The following SETBP1 variants were observed in gnomAD, a reference collection of about 807,000 sequenced individuals.
SETBP1 encodes SET-binding protein.
In SETBP1, 9 loss-of-function variants were observed where a neutral mutation model predicts 101.0. The observed-to-expected ratio is 0.09, with a 90% confidence interval of 0.05 to 0.16. The LOEUF is 0.16. Ranked by LOEUF, SETBP1 falls within the 10% of genes least tolerant of loss-of-function variation. The probability of loss-of-function intolerance (pLI) is 1.00; values close to 1 mark genes in which losing one functional copy is unlikely to be tolerated. For missense variants in SETBP1, 1,858 were observed against 2,033.8 expected (o/e 0.91, Z 1.66); for synonymous variants, 818 against 788.5 (o/e 1.04, Z -0.63).
chr18:45,021,572 G>A lies in SETBP1; in HGVS notation c.4001-16913G>A, dbSNP rs140142367. The stretch of plus-strand genomic sequence containing the variant: ...CATAATTGGAGAATGAGCATTATAG[G>A]AAATTTGGTGCTGGGAATGAAGTCC... On this transcript the variant is annotated intron_variant, in intron 4 of 5. Coordinates refer to ENST00000649279, the MANE Select transcript of SETBP1 (RefSeq NM_015559.3). Among the ~76,000 whole-genome samples, 95 of 152,236 alleles carry A rather than the reference G, an allele frequency of 6.2e-4. 1 individual carries two copies. The East Asian group carries it at 0.017, about 27-fold the overall frequency.
chr18:44,850,469 C>T (rs776702734), intron 2 of SETBP1, among the ~76,000 whole-genome samples: 2 of 151,994 alleles, frequency 1.3e-5, no homozygotes, highest in African/African-American at 2.4e-5. Flanking sequence ...CTCCCTGGTT[C>T]AAGCAATTCT....
chr18:44,929,866 T>C (rs578096732), intron 3 of SETBP1, among the ~76,000 whole-genome samples: 2 of 152,320 alleles, frequency 1.3e-5, no homozygotes, highest in East Asian at 3.9e-4. Flanking sequence ...AGATATACAA[T>C]CATGTCATCT....
chr18:45,061,930 G>T (rs543061746), intron 5 of SETBP1, among the ~76,000 whole-genome samples: 21 of 152,360 alleles, frequency 1.4e-4, no homozygotes, highest in Admixed American at 4.6e-4. Flanking sequence ...AAAGAACTCA[G>T]TGAAGACACA....
At chr18:44,752,011 C>T (rs1226259476) in intron 2 of SETBP1, among the ~76,000 whole-genome samples, 1 of 152,174 alleles carries the variant, frequency 6.6e-6, no homozygotes, top group African/African-American at 2.4e-5. Context: ...TTAGCCATCT[C>T]ACCTTGACTA....
chr18:44,956,453 G>A (rs2071483758), intron 4 of SETBP1, among the ~76,000 whole-genome samples: 1 of 151,870 alleles, frequency 6.6e-6, no homozygotes, highest in African/African-American at 2.4e-5. Context: ...TTATCTGAGT[G>A]GAGGTGTCTA....
chr18:44,942,697 A>G (rs1283388886), intron 3 of SETBP1, among the ~76,000 whole-genome samples: 4 of 152,122 alleles, frequency 2.6e-5, no homozygotes, highest in Non-Finnish European at 4.4e-5. Context: ...TTAGTTTTAT[A>G]TTTATCTCCA....
chr18:44,973,022 A>G (rs2071903143), intron 4 of SETBP1, among the ~76,000 whole-genome samples: 1 of 152,128 alleles, frequency 6.6e-6, no homozygotes, highest in African/African-American at 2.4e-5. Context: ...TTTGTCATAG[A>G]TAGCTGTCAT....
At chr18:44,859,610 T>A (rs1599235327) in intron 2 of SETBP1, among the ~76,000 whole-genome samples, 1 of 152,270 alleles carries the variant, frequency 6.6e-6, no homozygotes, top group Admixed American at 6.5e-5. Context: ...TATCTTGCAC[T>A]GATAGTGTGA....
At chr18:45,060,193 G>A (rs1373890996) in intron 5 of SETBP1, among the ~76,000 whole-genome samples, 3 of 152,102 alleles carry the variant, frequency 2.0e-5, no homozygotes, top group African/African-American at 4.8e-5. Context: ...CATACACTGA[G>A]CTTCAAGGAA....
chr18:44,978,009 T>C (rs1464135139), intron 4 of SETBP1, among the ~76,000 whole-genome samples: 1 of 152,138 alleles, frequency 6.6e-6, no homozygotes, highest in African/African-American at 2.4e-5. Flanking sequence ...GAATCTGAGA[T>C]AACTACACAG....
At chr18:45,022,500 A>G (rs1397478511) in intron 4 of SETBP1, among the ~76,000 whole-genome samples, 2 of 152,110 alleles carry the variant, frequency 1.3e-5, no homozygotes, top group Non-Finnish European at 2.9e-5. Flanking sequence ...TGGCTCTTAC[A>G]CCTGAGCCTG....
intron 4 of SETBP1, among the ~76,000 whole-genome samples, chr18:44,982,771 T>A (rs965229926): frequency 6.6e-6 from 1 of 152,232 alleles, no homozygotes; most frequent in African/African-American, 2.4e-5. Flanking sequence ...ACTTCTACAT[T>A]TAAAGGCTTG....
At chr18:44,830,101 A>G (rs2072327345) in intron 2 of SETBP1, among the ~76,000 whole-genome samples, 1 of 152,094 alleles carries the variant, frequency 6.6e-6, no homozygotes, top group Non-Finnish European at 1.5e-5. Flanking sequence ...AAGTTTGGGG[A>G]AAAAAACTAA....
At chr18:44,907,005 C>T (rs2070191125) in intron 3 of SETBP1, among the ~76,000 whole-genome samples, 1 of 152,124 alleles carries the variant, frequency 6.6e-6, no homozygotes, top group Admixed American at 6.5e-5. Context: ...AATCCTGTAC[C>T]CATTAGCAGT....
chr18:44,922,376 C>A (rs2070602865), intron 3 of SETBP1, among the ~76,000 whole-genome samples: 1 of 152,222 alleles, frequency 6.6e-6, no homozygotes, highest in Admixed American at 6.5e-5. Flanking sequence ...TGCAAAATTG[C>A]AAAACGGATG....
In SETBP1 at chr18:45,067,164, G is replaced by A. The variant is rs2073978840; in HGVS notation, c.*3466G>A. On this transcript the variant is annotated 3_prime_UTR_variant, in exon 6 of 6. Transcript: ENST00000649279. ...TTAATTTGGCTGCTGTCCGGACTAG[G>A]AGGCCATGTTCAATGGCAGTCAGAA... 6.6e-6 allele frequency: 1 copy of A among 152,178 alleles called. No homozygotes were observed. Among genetic ancestry groups the A allele is most frequent in the African/African-American group, 2.4e-5 (1 of 41,448 alleles). 9.4% of individuals were successfully genotyped at this position (152,178 alleles called of 1,614,324 possible). A position where few individuals can be genotyped will look rare whatever the true frequency, so the allele number is the denominator to read the frequency against.
chr18:44,808,968 C>T (rs1047693279), intron 2 of SETBP1, among the ~76,000 whole-genome samples: 2 of 152,154 alleles, frequency 1.3e-5, no homozygotes, highest in Non-Finnish European at 2.9e-5. Context: ...GGTGCAGATT[C>T]CTTCTGTGTT....
chr18:44,967,379 A>G (rs146894316), intron 4 of SETBP1, among the ~76,000 whole-genome samples: 22 of 152,360 alleles, frequency 1.4e-4, no homozygotes, highest in East Asian at 3.9e-4. Context: ...AGACCAATGT[A>G]TCTGCTAACC....
chr18:44,902,083 A>C (rs867894325), intron 3 of SETBP1, among the ~76,000 whole-genome samples: 22 of 152,172 alleles, frequency 1.4e-4, no homozygotes, highest in South Asian at 6.2e-4. Context: ...ACAATTTAAA[A>C]TTCAGTTCTT....
Sources: allele counts gnomAD v4.1 joint callset (sites outside exome capture counted in the v4.1 genomes callset), GRCh38; gene constraint gnomAD v4.1.1; transcripts MANE v1.5; gene names NCBI Gene and HGNC (gene_info 2026-07-23, HGNC 2026-07-21).